Variants in DNAAF8 observed in about 807,000 individuals in gnomAD.
The protein encoded by DNAAF8 is dynein axonemal assembly factor 8.
A neutral mutation model predicts 54.6 loss-of-function variants in DNAAF8; 61 were observed. That is an observed-to-expected ratio of 1.12 (90% CI 0.91 to 1.38). The LOEUF (loss-of-function observed/expected upper bound fraction) is 1.38, where lower values mean the gene tolerates loss of function less well. DNAAF8 is among the 40% of genes most tolerant of loss of function. The probability of loss-of-function intolerance (pLI) is 0.00; values close to 1 mark genes in which losing one functional copy is unlikely to be tolerated. For synonymous variants in DNAAF8, 320 were observed against 270.1 expected, an observed-to-expected ratio of 1.18 and a Z score of -1.81; for missense variants, 837 against 665.0, an observed-to-expected ratio of 1.26 and a Z score of -2.85.
At chr16:4,747,746 G>A in intron 9 of DNAAF8, 112 bp downstream of exon 9, 2 of 1,313,128 alleles carry the variant, frequency 1.5e-6, no homozygotes, top group Non-Finnish European at 2.1e-6. Context: ...CCAGAGGCAG[G>A]GACCCTCAGA....
intron 8 of DNAAF8, 53 bp downstream of exon 8, chr16:4,747,078 G>A: frequency 6.8e-7 from 1 of 1,468,324 alleles, no homozygotes; most frequent in Non-Finnish European, 9.1e-7. Context: ...TCTGCTTTCT[G>A]CAGCAAGCCC....
chr16:4,737,373 G>A (rs560868751), intron 2 of DNAAF8, among the ~76,000 whole-genome samples: 1 of 152,160 alleles, frequency 6.6e-6, no homozygotes, highest in South Asian at 2.1e-4. Flanking sequence ...TCATTTGAGA[G>A]TATGAGCCCC....
intron 1 of DNAAF8, among the ~76,000 whole-genome samples, chr16:4,735,761 C>T (rs2081885104): frequency 6.6e-6 from 1 of 152,066 alleles, no homozygotes; most frequent in Non-Finnish European, 1.5e-5. Flanking sequence ...AGTTTGAGAC[C>T]AGCCTGGGCA....
intron 8 of DNAAF8, 151 bp from the exon 9 acceptor site, chr16:4,747,192 C>A: frequency 8.2e-7 from 1 of 1,222,624 alleles, no homozygotes; most frequent in Non-Finnish European, 1.1e-6. Flanking sequence ...TCCACTGGGT[C>A]CCAGCAGTGG....
intron 3 of DNAAF8, among the ~76,000 whole-genome samples, chr16:4,739,265 G>GTTTTTTTTTTTTCTTTTTTTTTTTTTT (rs2081931962): frequency 4.3e-5 from 3 of 69,030 alleles, no homozygotes; most frequent in Non-Finnish European, 7.8e-5. Flanking sequence ...ATTTTTTCTT[G>GTTTTTTTTTTTTCTTTTTTTTTTTTTT]TTTTTTTTTT....
chr16:4,747,678 T>C (rs1257731485), intron 9 of DNAAF8, 44 bp downstream of exon 9: 1 of 1,541,780 alleles, frequency 6.5e-7, no homozygotes, highest in East Asian at 2.3e-5. Context: ...TGACTTGCCA[T>C]GGACCCTGGG....
chr16:4,749,133 C>T lies in DNAAF8; in HGVS notation c.*418C>T, dbSNP rs961007795. 9 of 153,204 alleles carry T rather than the reference C, an allele frequency of 5.9e-5. No individual in the cohort carries two copies. Among genetic ancestry groups the T allele is most frequent in the Middle Eastern group, 1.3e-3 (1 of 800 alleles). 9.5% of individuals were successfully genotyped at this position (153,204 alleles called of 1,614,324 possible). On this transcript the variant is annotated 3_prime_UTR_variant, in exon 10 of 10. Transcript: ENST00000299320. ...CCTGTAGGGCACAAGGCCAGGCTGC[C>T]TCCCAGCCCCCAGGCCCTCTCCCAC...
intron 6 of DNAAF8, among the ~76,000 whole-genome samples, chr16:4,745,241 C>T (rs1001280469): frequency 1.3e-5 from 2 of 152,158 alleles, no homozygotes; most frequent in African/African-American, 4.8e-5. Flanking sequence ...GGACTCAAGC[C>T]CTCAAGTACC....
chr16:4,742,035 T>C (rs750928299), intron 4 of DNAAF8, among the ~76,000 whole-genome samples: 3 of 152,144 alleles, frequency 2.0e-5, no homozygotes, highest in Non-Finnish European at 2.9e-5. Context: ...TAAAAACTTA[T>C]TTTTCTCCAC....
At chr16:4,737,681 TG>T in intron 2 of DNAAF8, 118 bp from the exon 3 acceptor site, 1 of 1,300,028 alleles carries the variant, frequency 7.7e-7, no homozygotes, top group African/African-American at 1.5e-5. Context: ...CTGGACGGGC[TG>T]GATGGGCTGG....
intron 3 of DNAAF8, among the ~76,000 whole-genome samples, chr16:4,738,494 G>C (rs2081921557): frequency 6.6e-6 from 1 of 152,226 alleles, no homozygotes. Context: ...TGTGGACTAA[G>C]CGTGCCAACG....
chr16:4,745,414 C>T (rs944009112), intron 6 of DNAAF8, among the ~76,000 whole-genome samples: 3 of 152,198 alleles, frequency 2.0e-5, no homozygotes, highest in Admixed American at 6.5e-5. Context: ...ATCTCTGTGT[C>T]TCTGTGTAGG....
intron 3 of DNAAF8, among the ~76,000 whole-genome samples, chr16:4,739,265 G>GGTTTTTT (rs1555482695): frequency 2.3e-4 from 16 of 69,030 alleles, no homozygotes; most frequent in Non-Finnish European, 3.4e-4. Context: ...ATTTTTTCTT[G>GGTTTTTT]TTTTTTTTTT....
At chr16:4,742,865 C>T (rs759412049) in intron 4 of DNAAF8, among the ~76,000 whole-genome samples, 178 bp from the exon 5 acceptor site, 7 of 152,138 alleles carry the variant, frequency 4.6e-5, no homozygotes, top group Non-Finnish European at 8.8e-5. Flanking sequence ...CGGAGGCGTT[C>T]AATCTGTAAT....
At chr16:4,745,952 CAAA>C (rs58259917) in intron 6 of DNAAF8, among the ~76,000 whole-genome samples, 7 of 113,490 alleles carry the variant, frequency 6.2e-5, no homozygotes, top group Admixed American at 9.6e-5. Context: ...GACTCTGTCT[CAAA>C]AAAAAAAAAA....
At position 4,737,857 on chromosome 16, in the gene DNAAF8, C is replaced by G. The variant is rs1480828910; in HGVS notation, c.187C>G (p.Pro63Ala). 1.9e-6 allele frequency: 3 copies of G among 1,614,014 alleles called. No individual in the cohort carries two copies. Among genetic ancestry groups the G allele is most frequent in the Middle Eastern group, 1.6e-4 (1 of 6,084 alleles). Residue 63 changes from proline (P) to alanine (A), a missense_variant, in exon 3 of 10, where the codon CCA (proline) becomes GCA (alanine). Coordinates refer to ENST00000299320, the MANE Select transcript of DNAAF8 (RefSeq NM_139170.3). ...IFQRNQTSLI[P>A]DLSEELAEDP... is the part of the protein sequence containing the mutation. ...CCAGCGAAACCAAACCTCCCTGATT[C>G]CAGACCTGTCGGAGGAGCTGGCTGA...
At position 4,747,346 on chromosome 16, in the gene DNAAF8, C is replaced by T. The variant is rs2082030886; in HGVS notation, c.1284C>T (p.Thr428=). ...GASPSSLGLR[T]CTGKSQLLQQ... is the part of the protein sequence containing the mutation. ...ATTTGGTCTCATTGTGTCACAGGAC[C>T]TGTACCGGGAAAAGCCAGCTTCTCC... Residue 428 remains threonine (T), a synonymous_variant, in exon 9 of 10, where the codon ACC becomes ACT. Coordinates refer to ENST00000299320, the MANE Select transcript of DNAAF8 (RefSeq NM_139170.3). 1 of 1,574,976 alleles carries T rather than the reference C, an allele frequency of 6.3e-7. No homozygotes were observed. The highest frequency in any genetic ancestry group is 1.4e-5 in the African/African-American group (1 of 74,014).
rs149522710 is a variant in DNAAF8 at position 4,743,528 on chromosome 16, G to A, written c.901+368G>A. The A allele has an allele frequency of 1.3e-3, 223 of 171,644 alleles. 3 individuals carry two copies. Among genetic ancestry groups the A allele is most frequent in the East Asian group, 9.4e-3 (54 of 5,730 alleles). 10.6% of individuals were successfully genotyped at this position (171,644 alleles called of 1,614,324 possible). A position where few individuals can be genotyped will look rare whatever the true frequency, so the allele number is the denominator to read the frequency against. The stretch of plus-strand genomic sequence containing the variant: ...CCTTCTGTGCGCAGTCAGCTCCTAA[G>A]CACGCTCCCGCTTCCCCTGGCCTCC... On this transcript the variant is annotated intron_variant, in intron 5 of 9. Transcript: ENST00000299320.
rs1567506741 is a variant in DNAAF8 at position 4,746,403 on chromosome 16, G to A, written c.1072G>A (p.Ala358Thr). The A allele has an allele frequency of 1.2e-6, 2 of 1,612,890 alleles. No individual in the cohort carries two copies. The highest frequency in any genetic ancestry group is 1.7e-6 in the Non-Finnish European group (2 of 1,179,544). The change falls in exon 7 of 10, where the codon GCT (alanine) becomes ACT (threonine). Residue 358 changes from alanine to threonine, a missense_variant. Transcript: ENST00000299320. ...RCASRKQGSQ[A>T]GPGPQLAQGM... ...TGCCTCAAGGAAGCAGGGCTCCCAG[G>A]CTGGGCCAGGCCCGCAGCTGGCCCA...
Sources: allele counts gnomAD v4.1 joint callset (sites outside exome capture counted in the v4.1 genomes callset), GRCh38; gene constraint gnomAD v4.1.1; transcripts MANE v1.5; gene names NCBI Gene and HGNC (gene_info 2026-07-23, HGNC 2026-07-21).